ARHGAP21: variants seen among roughly 807,000 people sequenced by gnomAD.
ARHGAP21 encodes rho GTPase-activating protein 21.
A neutral mutation model predicts 164.6 loss-of-function variants in ARHGAP21; 38 were observed. The ratio of observed to expected loss-of-function variants is 0.23; its 90% CI spans 0.18 to 0.30. ARHGAP21 has a LOEUF of 0.30. Among genes scored for constraint, ARHGAP21 ranks in the 10% least tolerant of loss-of-function variants. The pLI is 1.00. For missense variants in ARHGAP21, 1,822 were observed against 2,370.7 expected, an observed-to-expected ratio of 0.77 and a Z score of 4.81; for synonymous variants, 766 against 857.9, an observed-to-expected ratio of 0.89 and a Z score of 1.87.
At chr10:24,693,727 G>A (rs1205634592) in intron 2 of ARHGAP21, among the ~76,000 whole-genome samples, 1 of 152,056 alleles carries the variant, frequency 6.6e-6, no homozygotes, top group Non-Finnish European at 1.5e-5. Flanking sequence ...ACTGGCTCCT[G>A]CCACACAAAT....
chr10:24,608,030 TA>T (rs769720811), intron 9 of ARHGAP21, 127 bp from the exon 10 acceptor site: 50 of 759,776 alleles, frequency 6.6e-5, no homozygotes, highest in Non-Finnish European at 9.3e-5. Flanking sequence ...AGCACATCAC[TA>T]AATGACCTAT....
At chr10:24,705,151 A>G (rs1285176143) in intron 2 of ARHGAP21, among the ~76,000 whole-genome samples, 1 of 152,244 alleles carries the variant, frequency 6.6e-6, no homozygotes, top group Non-Finnish European at 1.5e-5. Context: ...TTTTCTGATG[A>G]TGAGACTAAC....
chr10:24,718,822 T>A lies in ARHGAP21; in HGVS notation c.63+3015A>T, dbSNP rs73606551. Among the ~76,000 whole-genome samples, 1,267 of 152,118 alleles carry A rather than the reference T, an allele frequency of 8.3e-3. 17 individuals carry two copies. The highest frequency in any genetic ancestry group is 0.028 in the African/African-American group (1,181 of 41,486). On this transcript the variant is annotated intron_variant, in intron 2 of 25. Coordinates refer to ENST00000396432, the MANE Select transcript of ARHGAP21 (RefSeq NM_020824.4). ...TCATTTGCATTAGTAAAAAGTTTAA[T>A]AATAAAGTGACAAAAATTCTATTAC...
chr10:24,596,639 A>T (rs2076592880), intron 17 of ARHGAP21, 101 bp downstream of exon 17: 1 of 1,517,512 alleles, frequency 6.6e-7, no homozygotes, highest in Non-Finnish European at 8.9e-7. Flanking sequence ...AGGAAAACAG[A>T]TTGACAGTCT....
chr10:24,639,365 A>C (rs2131407702), intron 4 of ARHGAP21, among the ~76,000 whole-genome samples: 1 of 152,294 alleles, frequency 6.6e-6, no homozygotes, highest in African/African-American at 2.4e-5. Flanking sequence ...GATGATAATA[A>C]TTATTCCTAC....
chr10:24,640,346 C>T (rs1343668455), intron 4 of ARHGAP21: 1 of 151,262 alleles, frequency 6.6e-6, no homozygotes, highest in Non-Finnish European at 1.5e-5. Context: ...TGAGATTGAG[C>T]TTTTGTTTCT....
intron 7 of ARHGAP21, among the ~76,000 whole-genome samples, chr10:24,626,450 G>A (rs538201622): frequency 1.3e-5 from 2 of 152,324 alleles, no homozygotes; most frequent in South Asian, 4.1e-4. Context: ...GCCACAGAGA[G>A]CTGCGTCAGC....
intron 7 of ARHGAP21, among the ~76,000 whole-genome samples, chr10:24,627,281 A>G (rs990776465): frequency 1.3e-5 from 2 of 152,196 alleles, no homozygotes; most frequent in Non-Finnish European, 1.5e-5. Flanking sequence ...TACAATAAAT[A>G]TTCAACCTCA....
At chr10:24,591,458 C>T (rs973046837) in intron 23 of ARHGAP21, 128 bp from the exon 24 acceptor site, 28 of 1,093,506 alleles carry the variant, frequency 2.6e-5, no homozygotes, top group African/African-American at 2.4e-4. Flanking sequence ...ACATTGTTTA[C>T]GCATAATTAA....
At chr10:24,719,777 A>C (rs1288905842) in intron 2 of ARHGAP21, among the ~76,000 whole-genome samples, 1 of 152,222 alleles carries the variant, frequency 6.6e-6, no homozygotes, top group Non-Finnish European at 1.5e-5. Context: ...CTATTACTAA[A>C]AAATATTCAC....
chr10:24,665,242 T>C (rs1298034055), intron 4 of ARHGAP21, among the ~76,000 whole-genome samples: 1 of 152,146 alleles, frequency 6.6e-6, no homozygotes, highest in African/African-American at 2.4e-5. Context: ...GTGGCTCATC[T>C]TGTACCAGTG....
intron 2 of ARHGAP21, among the ~76,000 whole-genome samples, chr10:24,695,096 A>C (rs1474337265): frequency 7.3e-5 from 10 of 137,730 alleles, no homozygotes; most frequent in East Asian, 4.4e-4. Context: ...AAAAAAAAAA[A>C]CGAAAAGAAA....
chr10:24,701,505 G>A (rs554142585), intron 2 of ARHGAP21, among the ~76,000 whole-genome samples: 2 of 152,242 alleles, frequency 1.3e-5, no homozygotes, highest in Non-Finnish European at 2.9e-5. Context: ...TCTGAGAAGG[G>A]AACATGTGAA....
intron 14 of ARHGAP21, 67 bp from the exon 15 acceptor site, chr10:24,598,076 GCTTT>G (rs1322188577): frequency 4.7e-5 from 60 of 1,270,446 alleles, no homozygotes; most frequent in Non-Finnish European, 5.8e-5. Flanking sequence ...CTTTTTTGAG[GCTTT>G]CTATTGTACT....
chr10:24,597,166 T>C (rs527501123), intron 16 of ARHGAP21, among the ~76,000 whole-genome samples: 1 of 152,298 alleles, frequency 6.6e-6, no homozygotes, highest in East Asian at 1.9e-4. Context: ...AATAGTTTTA[T>C]TTCAAAATGA....
At chr10:24,720,278 A>T (rs531019183) in intron 2 of ARHGAP21, among the ~76,000 whole-genome samples, 22 of 152,038 alleles carry the variant, frequency 1.4e-4, no homozygotes, top group Admixed American at 3.3e-4. Flanking sequence ...AAAATCAAAT[A>T]ACATTAGTTC....
At chr10:24,625,147 A>C (rs1180290108) in intron 7 of ARHGAP21, among the ~76,000 whole-genome samples, 1 of 150,964 alleles carries the variant, frequency 6.6e-6, no homozygotes, top group African/African-American at 2.4e-5. Context: ...TGTTAAATAC[A>C]ACTTAATATT....
At chr10:24,665,224 A>C (rs1004656437) in intron 4 of ARHGAP21, among the ~76,000 whole-genome samples, 1 of 152,092 alleles carries the variant, frequency 6.6e-6, no homozygotes, top group African/African-American at 2.4e-5. Context: ...ACAGATGGTA[A>C]TGCAGGAGTG....
chr10:24,705,799 A>G (rs559955455), intron 2 of ARHGAP21, among the ~76,000 whole-genome samples: 12 of 152,338 alleles, frequency 7.9e-5, no homozygotes, highest in African/African-American at 1.2e-4. Flanking sequence ...TGATAACTGG[A>G]ACAAAAGCTA....
Sources: gnomAD v4.1 joint callset for allele counts (sites outside exome capture counted in the v4.1 genomes callset) on GRCh38, gnomAD v4.1.1 for gene constraint, MANE v1.5 for transcripts, NCBI Gene and HGNC (gene_info 2026-07-23, HGNC 2026-07-21) for gene names.